Variants in CCKAR observed in about 807,000 individuals in gnomAD.
CCKAR encodes cholecystokinin A receptor, also known as cholecystokinin receptor type A.
Under a neutral mutation model 29.8 loss-of-function variants are expected in CCKAR, and 21 were observed. The observed-to-expected ratio is 0.70, with a 90% CI of 0.50 to 1.01. The LOEUF is 1.01. CCKAR is among the 50% of genes least tolerant of loss of function. The pLI, the probability that CCKAR is intolerant of heterozygous loss-of-function variation, is 0.00. For missense variants in CCKAR, 570 were observed against 560.6 expected (o/e 1.02, Z -0.17); for synonymous variants, 238 against 221.3 (o/e 1.08, Z -0.67).
At chr4:26,486,662 C>T (rs1035544906) in intron 2 of CCKAR, among the ~76,000 whole-genome samples, 3 of 152,136 alleles carry the variant, frequency 2.0e-5, no homozygotes, top group Non-Finnish European at 4.4e-5. Flanking sequence ...GCCTGTAATA[C>T]CAACGCTTTG....
intron 1 of CCKAR, 78 bp downstream of exon 1, chr4:26,490,078 T>C (rs990507977): frequency 1.2e-6 from 1 of 866,378 alleles, no homozygotes; most frequent in Non-Finnish European, 1.9e-6. Flanking sequence ...ATATATATTT[T>C]TTATCAGCCT....
intron 4 of CCKAR, among the ~76,000 whole-genome samples, chr4:26,482,640 A>G (rs1033344617): frequency 6.6e-6 from 1 of 152,220 alleles, no homozygotes; most frequent in East Asian, 1.9e-4. Context: ...AGCTATGTCA[A>G]CAAGGGTGTC....
chr4:26,490,165 G>A lies in CCKAR; in HGVS notation c.103C>T (p.Pro35Ser). The change falls in exon 1 of 5, where the codon CCT becomes TCT. Residue 35 changes from proline to serine, a missense_variant. Pro to Ser is a moderately conservative substitution (Grantham distance 74, BLOSUM62 -1). Transcript: ENST00000295589. Reference sequence around the variant, plus strand: ...AGCTTCCGACACTTACCTTTGGAAGGACGGGGCTGATCCAAGCAGAAAAGC... The same window carrying A: ...AGCTTCCGACACTTACCTTTGGAAGAACGGGGCTGATCCAAGCAGAAAAGC... ...ETLFCLDQPR[P>S]SKEWQPAVQI... The A allele has an allele frequency of 6.2e-7, 1 of 1,608,740 alleles. No homozygotes were observed. Among genetic ancestry groups the A allele is most frequent in the Non-Finnish European group, 8.5e-7 (1 of 1,175,480 alleles).
chr4:26,486,413 T>A (rs7696435), intron 2 of CCKAR, among the ~76,000 whole-genome samples: 4 of 152,094 alleles, frequency 2.6e-5, no homozygotes, highest in African/African-American at 9.7e-5. Flanking sequence ...TTCTTAATAG[T>A]GAAACAATCT....
chr4:26,489,381 C>T lies in CCKAR; in HGVS notation c.216G>A (p.Met72Ile). 1 of 1,614,188 alleles carries T rather than the reference C, an allele frequency of 6.2e-7. No individual in the cohort carries two copies. Among genetic ancestry groups the T allele is most frequent in the South Asian group, 1.1e-5 (1 of 91,088 alleles). The change falls in exon 2 of 5, where the codon ATG (methionine) becomes ATA (isoleucine). Residue 72 changes from methionine (M) to isoleucine (I), a missense_variant. Coordinates refer to ENST00000295589, the MANE Select transcript of CCKAR (RefSeq NM_000730.3). ...GGAGGAAGATGTTGGTGACCGTCCG[C>T]ATCCGCTTGTTCCGAATCAGCACGG... Reference protein sequence around the residue: ...VITVLIRNKRMRTVTNIFLLS... With the variant: ...VITVLIRNKRIRTVTNIFLLS...
chr4:26,486,913 C>T (rs1477153938), intron 2 of CCKAR, among the ~76,000 whole-genome samples: 1 of 152,008 alleles, frequency 6.6e-6, no homozygotes, highest in African/African-American at 2.4e-5. Context: ...CACTCCATCT[C>T]AAAAATAAAA....
rs149993603 is a variant in CCKAR, at chr4:26,490,195, C to G, written c.73G>C (p.Glu25Gln). 1.9e-6 allele frequency: 3 copies of G among 1,613,608 alleles called. No homozygotes were observed. Among genetic ancestry groups the G allele is most frequent in the Admixed American group, 3.3e-5 (2 of 59,944 alleles). ...GGCTGATCCAAGCAGAAAAGCGTCT[C>G]ATTTTCGAGCCCGAGTTCACAGGGA... is the stretch of plus-strand genomic sequence containing the variant. ...TPPCELGLEN[E>Q]TLFCLDQPRP... The change falls in exon 1 of 5, where the codon GAG becomes CAG. Residue 25 changes from glutamate to glutamine, a missense_variant. By Grantham distance (29) the Glu-to-Gln change is conservative. Transcript: ENST00000295589.
At chr4:26,484,331 A>C (rs768070413) in intron 3 of CCKAR, among the ~76,000 whole-genome samples, 6 of 152,236 alleles carry the variant, frequency 3.9e-5, no homozygotes, top group Non-Finnish European at 7.3e-5. Context: ...CTTGGTTGAA[A>C]TGAAAGGAGG....
In CCKAR at chr4:26,489,471, C is replaced by G; in HGVS notation, c.126G>C (p.Ala42=). 6.2e-7 allele frequency: 1 copy of G among 1,613,672 alleles called. No individual in the cohort carries two copies. The highest frequency in any genetic ancestry group is 8.5e-7 in the Non-Finnish European group (1 of 1,179,686). ...TCAAGGAGTACAAGAGAATCTGCAC[C>G]GCTGGCTGCCACTCTGCAGAGAGAA... is the stretch of plus-strand genomic sequence containing the variant. ...QPRPSKEWQP[A]VQILLYSLIF... Residue 42 remains alanine, a synonymous_variant, in exon 2 of 5, where the codon GCG becomes GCC. Coordinates refer to ENST00000295589, the MANE Select transcript of CCKAR (RefSeq NM_000730.3).
At chr4:26,484,027 T>A (rs1395557122) in intron 3 of CCKAR, among the ~76,000 whole-genome samples, 6 of 152,224 alleles carry the variant, frequency 3.9e-5, no homozygotes, top group African/African-American at 1.4e-4. Flanking sequence ...TCCATGACCC[T>A]GTGAGGCTAG....
chr4:26,482,869 C>T (rs966909752), intron 4 of CCKAR, among the ~76,000 whole-genome samples: 1 of 152,152 alleles, frequency 6.6e-6, no homozygotes, highest in Non-Finnish European at 1.5e-5. Context: ...TGTTTGAATA[C>T]AGCACTACAG....
chr4:26,487,908 G>A (rs1483923133), intron 2 of CCKAR, among the ~76,000 whole-genome samples: 1 of 147,114 alleles, frequency 6.8e-6, no homozygotes, highest in Non-Finnish European at 1.5e-5. Flanking sequence ...TTTTTCCTTT[G>A]TAAGTTTTGT....
At position 26,482,028 on chromosome 4, in the gene CCKAR, G is replaced by C; in HGVS notation, c.897C>G (p.Asn299Lys). The C allele has an allele frequency of 6.2e-7, 1 of 1,614,264 alleles. No individual in the cohort carries two copies. The highest frequency in any genetic ancestry group is 1.1e-5 in the South Asian group (1 of 91,088). The part of the protein sequence containing the change: ...SSSRANRIRS[N>K]SSAANLMAKK... ...TGGCCATCAGGTTGGCTGCGGAGCT[G>C]TTACTCCGGATGCGGTTGGCCCTGC... Residue 299 changes from asparagine (N) to lysine (K), a missense_variant, in exon 5 of 5, where the codon AAC becomes AAG. Coordinates refer to ENST00000295589, the MANE Select transcript of CCKAR (RefSeq NM_000730.3).
intron 3 of CCKAR, 55 bp downstream of exon 3, chr4:26,485,579 CATG>C (rs1737432294): frequency 1.3e-6 from 2 of 1,589,934 alleles, no homozygotes; most frequent in African/African-American, 2.7e-5. Context: ...CTCAGTTTTT[CATG>C]ATATTGCAAA....
intron 3 of CCKAR, among the ~76,000 whole-genome samples, chr4:26,483,758 G>A (rs929325183): frequency 6.6e-6 from 1 of 152,130 alleles, no homozygotes; most frequent in African/African-American, 2.4e-5. Flanking sequence ...GCAGAGAGGA[G>A]GAAACTGAGA....
At chr4:26,488,645 G>A (rs1737493304) in intron 2 of CCKAR, among the ~76,000 whole-genome samples, 1 of 152,136 alleles carries the variant, frequency 6.6e-6, no homozygotes, top group Non-Finnish European at 1.5e-5. Context: ...TAGGGGCAGA[G>A]ACCTCTCTCT....
In CCKAR at chr4:26,482,056, C is replaced by G; in HGVS notation, c.869G>C (p.Ser290Thr). 2 of 1,614,230 alleles carry G rather than the reference C, an allele frequency of 1.2e-6. No individual in the cohort carries two copies. ...LELRQLSTGS[S>T]SRANRIRSNS... is the part of the protein sequence containing the mutation. ...ACTCCGGATGCGGTTGGCCCTGCTG[C>G]TGCTGCCGGTGGACAGCTGCCGGAG... Residue 290 changes from serine (S) to threonine (T), a missense_variant, in exon 5 of 5, where the codon AGC (serine) becomes ACC (threonine). Ser to Thr is a moderately conservative substitution (Grantham distance 58). Transcript: ENST00000295589.
rs1474639972 is a variant in CCKAR at position 26,482,016 on chromosome 4, G to C, written c.909C>G (p.Ala303=). ...TCACCCTTTTCTTGGCCATCAGGTT[G>C]GCTGCGGAGCTGTTACTCCGGATGC... ...ANRIRSNSSA[A]NLMAKKRVIR... Residue 303 remains alanine (A), a synonymous_variant, in exon 5 of 5, where the codon GCC becomes GCG. Coordinates refer to ENST00000295589, the MANE Select transcript of CCKAR (RefSeq NM_000730.3). 1.2e-6 allele frequency: 2 copies of C among 1,614,260 alleles called. No individual in the cohort carries two copies. The highest frequency in any genetic ancestry group is 1.7e-6 in the Non-Finnish European group (2 of 1,180,048).
chr4:26,487,126 T>C (rs1004632632), intron 2 of CCKAR, among the ~76,000 whole-genome samples: 7 of 152,184 alleles, frequency 4.6e-5, no homozygotes, highest in African/African-American at 1.7e-4. Flanking sequence ...TTCTGTCAAT[T>C]CTTCTGAATA....
Sources: allele counts gnomAD v4.1 joint callset (sites outside exome capture counted in the v4.1 genomes callset), GRCh38; gene constraint gnomAD v4.1.1; transcripts MANE v1.5; gene names NCBI Gene and HGNC (gene_info 2026-07-23, HGNC 2026-07-21).